SLC25A42: variants seen among roughly 807,000 people sequenced by gnomAD.
SLC25A42 encodes solute carrier family 25 member 42.
In SLC25A42, 19 loss-of-function variants were observed where a neutral mutation model predicts 34.7. That is an observed-to-expected ratio of 0.55 (90% confidence interval 0.38 to 0.80). The LOEUF is 0.80. SLC25A42 is among the 30% of genes least tolerant of loss of function. The pLI is 0.00. For missense variants in SLC25A42, 364 were observed against 441.3 expected, an observed-to-expected ratio of 0.82 and a Z score of 1.57; for synonymous variants, 205 against 191.2, an observed-to-expected ratio of 1.07 and a Z score of -0.59.
chr19:19,077,255 C>T (rs1435935808), intron 1 of SLC25A42, among the ~76,000 whole-genome samples: 3 of 152,194 alleles, frequency 2.0e-5, no homozygotes, highest in Non-Finnish European at 2.9e-5. Context: ...GTGTTCAGTT[C>T]AGTGGCATTA....
intron 7 of SLC25A42, among the ~76,000 whole-genome samples, chr19:19,110,053 A>G (rs569322327): frequency 8.6e-5 from 13 of 152,034 alleles, no homozygotes; most frequent in African/African-American, 3.1e-4. Flanking sequence ...CTTTTAAGAA[A>G]TTTTATTTCT....
intron 3 of SLC25A42, among the ~76,000 whole-genome samples, chr19:19,103,073 CTCTTT>C (rs1207770167): frequency 3.9e-5 from 6 of 151,950 alleles, no homozygotes; most frequent in South Asian, 2.1e-4. Context: ...TTCTCTCTCT[CTCTTT>C]TATTTATTTA....
intron 3 of SLC25A42, 60 bp from the exon 4 acceptor site, chr19:19,104,853 C>T (rs1200179493): frequency 2.2e-5 from 36 of 1,603,542 alleles, no homozygotes; most frequent in Admixed American, 3.3e-5. Flanking sequence ...GGTGGGGCCA[C>T]GCAGATGGGA....
chr19:19,090,298 T>C (rs938921674), intron 1 of SLC25A42, among the ~76,000 whole-genome samples: 45 of 152,252 alleles, frequency 3.0e-4, no homozygotes, highest in Middle Eastern at 3.4e-3. Context: ...GGCCGCCCCA[T>C]GCAGAAGAGG....
chr19:19,107,440 C>T (rs1336309563), intron 6 of SLC25A42, among the ~76,000 whole-genome samples: 1 of 152,078 alleles, frequency 6.6e-6, no homozygotes, highest in Non-Finnish European at 1.5e-5. Flanking sequence ...CAAGACCAGC[C>T]TGGTCAACAT....
chr19:19,106,238 C>A, intron 5 of SLC25A42, 31 bp from the exon 6 acceptor site: 2 of 1,579,864 alleles, frequency 1.3e-6, no homozygotes, highest in Admixed American at 1.7e-5. Flanking sequence ...CCCCTCACTG[C>A]CGTCTCGCCT....
chr19:19,103,691 C>T (rs937558399), intron 3 of SLC25A42, among the ~76,000 whole-genome samples: 1 of 152,194 alleles, frequency 6.6e-6, no homozygotes. Flanking sequence ...ATGGTTACGG[C>T]CCGGGCCCTC....
At chr19:19,065,214 G>A (rs1041011943) in intron 1 of SLC25A42, among the ~76,000 whole-genome samples, 1 of 152,180 alleles carries the variant, frequency 6.6e-6, no homozygotes, top group Non-Finnish European at 1.5e-5. Flanking sequence ...CGCTGCCGGA[G>A]GAGGGGGGCT....
intron 5 of SLC25A42, 50 bp from the exon 6 acceptor site, chr19:19,106,219 A>T (rs145731911): frequency 6.6e-7 from 1 of 1,519,968 alleles, no homozygotes; most frequent in East Asian, 2.3e-5. Flanking sequence ...GCCTCTGTGC[A>T]TCTGCAACCC....
intron 1 of SLC25A42, among the ~76,000 whole-genome samples, chr19:19,074,759 G>C (rs2059647914): frequency 1.3e-5 from 2 of 152,038 alleles, no homozygotes; most frequent in Non-Finnish European, 2.9e-5. Flanking sequence ...GAGCGAGTGT[G>C]AGTGTGTGTG....
chr19:19,100,275 A>T (rs1311872746), intron 2 of SLC25A42, among the ~76,000 whole-genome samples: 1 of 151,950 alleles, frequency 6.6e-6, no homozygotes, highest in African/African-American at 2.4e-5. Context: ...CCGAGAGGCA[A>T]AGTTTGCAGT....
chr19:19,101,781 C>G lies in SLC25A42; in HGVS notation c.82C>G (p.Arg28Gly), dbSNP rs771749461. The stretch of plus-strand genomic sequence containing the variant: ...CCTCTGATCACATGTTCTGTTGCAG[C>G]GTGACCACAGGCAAGTGCTCAGCTC... The part of the protein sequence containing the change: ...AVLSSSVSSK[R>G]DHRQVLSSLL... The change falls in exon 3 of 8, where the codon CGT becomes GGT. Residue 28 changes from arginine to glycine, a missense_variant and splice_region_variant. Arg to Gly is a moderately radical substitution (Grantham distance 125). Coordinates refer to ENST00000318596, the MANE Select transcript of SLC25A42 (RefSeq NM_178526.5). 4.3e-6 allele frequency: 7 copies of G among 1,610,334 alleles called. No homozygotes were observed. Among genetic ancestry groups the G allele is most frequent in the Admixed American group, 1.7e-5 (1 of 59,210 alleles).
rs548749908 is a variant in SLC25A42, at chr19:19,093,911, C to T, written c.-34-2180C>T. Among the ~76,000 whole-genome samples, 8 of 152,250 alleles carry T rather than the reference C, an allele frequency of 5.3e-5. No individual in the cohort carries two copies. The East Asian group carries it at 9.7e-4, about 18-fold the overall frequency. On this transcript the variant is annotated intron_variant, in intron 1 of 7. Coordinates refer to ENST00000318596, the MANE Select transcript of SLC25A42 (RefSeq NM_178526.5). Reference sequence around the variant, plus strand: ...CAGGCTGGTCTTAAACTCCTGAGCTCGTGATCTGCCCGCCTCAGCCTCCCA... The same window carrying T: ...CAGGCTGGTCTTAAACTCCTGAGCTTGTGATCTGCCCGCCTCAGCCTCCCA...
rs1354314343 is a variant in SLC25A42, at chr19:19,081,880, C to T, written c.-34-14211C>T. 6.6e-6 allele frequency among the ~76,000 whole-genome samples: 1 copy of T among 152,220 alleles called. No individual in the cohort carries two copies. Among genetic ancestry groups the T allele is most frequent in the Non-Finnish European group, 1.5e-5 (1 of 68,042 alleles). ...GCCCCATGGGCTTTGCATTTTGTGG[C>T]TGGAATGTGGCTCTGCCATGCCTTG... On this transcript the variant is annotated intron_variant, in intron 1 of 7. Coordinates refer to ENST00000318596, the MANE Select transcript of SLC25A42 (RefSeq NM_178526.5). This position sits in a 1 kb window ranked among gnomAD's most constrained non-coding sequence, Gnocchi z 4.5.
chr19:19,070,445 G>T (rs541629307), intron 1 of SLC25A42, among the ~76,000 whole-genome samples: 1 of 151,732 alleles, frequency 6.6e-6, no homozygotes, highest in African/African-American at 2.4e-5. Context: ...TTACAGGTGC[G>T]CACCACCGCA....
At chr19:19,092,527 G>T (rs1375466003) in intron 1 of SLC25A42, among the ~76,000 whole-genome samples, 1 of 152,306 alleles carries the variant, frequency 6.6e-6, no homozygotes, top group East Asian at 1.9e-4. Flanking sequence ...GTTCACAGAG[G>T]CTGGGCAGGT....
chr19:19,105,718 T>A lies in SLC25A42; in HGVS notation c.371T>A (p.Phe124Tyr). The change falls in exon 5 of 8, where the codon TTC (phenylalanine) becomes TAC (tyrosine). Residue 124 changes from phenylalanine to tyrosine, a missense_variant. Transcript: ENST00000318596. ...YKRILGSYYG[F>Y]RGEALPPWPR... ...CGCATCCTGGGCAGCTACTATGGCT[T>A]CCGTGGAGAGTGAGGCCCCGCCCCG... 2 of 1,580,112 alleles carry A rather than the reference T, an allele frequency of 1.3e-6. No individual in the cohort carries two copies. The highest frequency in any genetic ancestry group is 2.3e-5 in the South Asian group (2 of 88,056).
intron 2 of SLC25A42, 88 bp from the exon 3 acceptor site, chr19:19,101,693 G>C (rs2059797099): frequency 8.4e-7 from 1 of 1,196,274 alleles, no homozygotes; most frequent in Non-Finnish European, 1.2e-6. Flanking sequence ...CCCCGGCCCA[G>C]AGGGTGTAAG....
chr19:19,106,548 C>T, intron 6 of SLC25A42, 163 bp downstream of exon 6: 1 of 551,986 alleles, frequency 1.8e-6, no homozygotes, highest in Non-Finnish European at 3.2e-6. Context: ...TCCAGAAAGG[C>T]AGCAATTTGT....
Sources: allele counts gnomAD v4.1 joint callset (sites outside exome capture counted in the v4.1 genomes callset), GRCh38; gene constraint gnomAD v4.1.1; non-coding constraint Gnocchi (gnomAD v3.1); transcripts MANE v1.5; gene names NCBI Gene and HGNC (gene_info 2026-07-23, HGNC 2026-07-21).